SPAG16: variants seen among roughly 807,000 people sequenced by gnomAD.
The protein encoded by SPAG16 is sperm-associated antigen 16 protein.
A neutral mutation model predicts 80.4 loss-of-function variants in SPAG16; 86 were observed. The ratio of observed to expected loss-of-function variants is 1.07; its 90% CI spans 0.90 to 1.28. The LOEUF (loss-of-function observed/expected upper bound fraction) is 1.28. Among genes scored for constraint, SPAG16 ranks in the 50% most tolerant of loss-of-function variants. The probability of loss-of-function intolerance (pLI) is 0.00; values close to 1 mark genes in which losing one functional copy is unlikely to be tolerated. For missense variants in SPAG16, 870 were observed against 765.3 expected (o/e 1.14, Z -1.61); for synonymous variants, 294 against 265.9 (o/e 1.11, Z -1.03).
At chr2:214,130,551 G>A (rs535951085) in intron 14 of SPAG16, among the ~76,000 whole-genome samples, 1 of 152,166 alleles carries the variant, frequency 6.6e-6, no homozygotes, top group East Asian at 1.9e-4. Flanking sequence ...ATGTGGAGTA[G>A]TAAGCTTCAA....
chr2:213,472,912 G>C (rs2073165982), intron 9 of SPAG16, among the ~76,000 whole-genome samples: 1 of 152,146 alleles, frequency 6.6e-6, no homozygotes. Flanking sequence ...AGGTTTCCTT[G>C]GGGAAGAATG....
intron 6 of SPAG16, among the ~76,000 whole-genome samples, chr2:213,348,356 G>A (rs1219437843): frequency 2.0e-5 from 3 of 151,946 alleles, no homozygotes; most frequent in Non-Finnish European, 2.9e-5. Context: ...GTCTTTTAAC[G>A]GGAGCATTTA....
At chr2:214,177,405 C>T (rs576419698) in intron 15 of SPAG16, among the ~76,000 whole-genome samples, 19 of 151,022 alleles carry the variant, frequency 1.3e-4, no homozygotes, top group Non-Finnish European at 2.4e-4. Context: ...CTTAATGGGA[C>T]CTATGGTTCT....
chr2:214,260,182 A>C (rs1691034641), intron 15 of SPAG16, among the ~76,000 whole-genome samples: 1 of 152,118 alleles, frequency 6.6e-6, no homozygotes, highest in South Asian at 2.1e-4. Flanking sequence ...AATTTTTAAA[A>C]ATTTTCTAAG....
intron 10 of SPAG16, among the ~76,000 whole-genome samples, chr2:213,576,317 T>C (rs1220937867): frequency 6.6e-6 from 1 of 152,156 alleles, no homozygotes; most frequent in Admixed American, 6.6e-5. Context: ...GCTGTTTTGG[T>C]TACTGTAGCC....
chr2:213,697,136 A>G (rs570816674), intron 10 of SPAG16, among the ~76,000 whole-genome samples: 2 of 152,270 alleles, frequency 1.3e-5, no homozygotes, highest in Non-Finnish European at 1.5e-5. Context: ...AAGTTTAGGT[A>G]GGTAGGTAAA....
chr2:214,404,279 T>C (rs1701871601), intron 15 of SPAG16, among the ~76,000 whole-genome samples: 1 of 152,228 alleles, frequency 6.6e-6, no homozygotes. Flanking sequence ...AAAGATCTGA[T>C]TTCAGCCATA....
intron 12 of SPAG16, among the ~76,000 whole-genome samples, chr2:213,953,076 T>A (rs539998237): frequency 2.8e-4 from 43 of 151,242 alleles, no homozygotes; most frequent in Non-Finnish European, 5.3e-4. Context: ...ATATTACATA[T>A]ATGATGAAAA....
chr2:213,375,257 G>A, intron 9 of SPAG16, 138 bp downstream of exon 9: 1 of 564,744 alleles, frequency 1.8e-6, no homozygotes, highest in Non-Finnish European at 3.1e-6. Context: ...TTTATACATG[G>A]ACAGTGGAGG....
intron 10 of SPAG16, among the ~76,000 whole-genome samples, chr2:213,541,728 T>C (rs1365502015): frequency 6.6e-6 from 1 of 152,214 alleles, no homozygotes; most frequent in African/African-American, 2.4e-5. Flanking sequence ...TTCAGACCTC[T>C]ATCGACACAC....
chr2:213,592,968 C>T (rs1277063754), intron 10 of SPAG16, among the ~76,000 whole-genome samples: 5 of 152,084 alleles, frequency 3.3e-5, no homozygotes, highest in African/African-American at 9.7e-5. Context: ...TATTAATCTC[C>T]ACTTTAGTAA....
rs552589965 is a variant in SPAG16 at position 213,607,895 on chromosome 2, G to C, written c.1070+117805G>C. On this transcript the variant is annotated intron_variant, in intron 10 of 15. Coordinates refer to ENST00000331683, the MANE Select transcript of SPAG16 (RefSeq NM_024532.5). ...ATTTAAGTAATTTCCCTTCCATTAA[G>C]GCTAATAAGAACCTTCCCTACTTGT... Among the ~76,000 whole-genome samples the C allele has an allele frequency of 2.0e-5, 3 of 152,264 alleles. No homozygotes were observed. The East Asian group carries it at 5.8e-4, about 29-fold the overall frequency.
chr2:214,237,011 G>T (rs1689127343), intron 15 of SPAG16, among the ~76,000 whole-genome samples: 1 of 152,090 alleles, frequency 6.6e-6, no homozygotes, highest in Admixed American at 6.6e-5. Context: ...GTATAATTGT[G>T]ATCCTTAGAC....
intron 10 of SPAG16, among the ~76,000 whole-genome samples, chr2:213,737,416 T>TCTA (rs904499321): frequency 6.6e-6 from 1 of 152,154 alleles, no homozygotes; most frequent in African/African-American, 2.4e-5. Context: ...CAAGACATTC[T>TCTA]CTATGCTGTT....
chr2:214,401,272 TAATC>T (rs1338693650), intron 15 of SPAG16, among the ~76,000 whole-genome samples: 2 of 151,968 alleles, frequency 1.3e-5, no homozygotes, highest in African/African-American at 4.8e-5. Context: ...TCAATAAAAT[TAATC>T]AATAACACTC....
chr2:213,562,082 T>C (rs1269855150), intron 10 of SPAG16, among the ~76,000 whole-genome samples: 1 of 152,240 alleles, frequency 6.6e-6, no homozygotes, highest in Admixed American at 6.5e-5. Flanking sequence ...TATTTTGCTT[T>C]CATATTAGAT....
intron 15 of SPAG16, among the ~76,000 whole-genome samples, chr2:214,298,426 CTG>C (rs1433038827): frequency 6.6e-5 from 10 of 152,052 alleles, no homozygotes; most frequent in Admixed American, 5.2e-4. Context: ...AACGTAGAAA[CTG>C]TATTTTTTTA....
At chr2:214,068,855 C>T (rs1576055354) in intron 13 of SPAG16, among the ~76,000 whole-genome samples, 2 of 152,136 alleles carry the variant, frequency 1.3e-5, no homozygotes, top group Middle Eastern at 6.8e-3. Context: ...TGCTTAGTCT[C>T]ATTTTTTTTT....
At chr2:213,869,248 C>A (rs2075835032) in intron 11 of SPAG16, among the ~76,000 whole-genome samples, 1 of 22,810 alleles carries the variant, frequency 4.4e-5, no homozygotes, top group African/African-American at 9.0e-5. Context: ...AGCTAAAGTC[C>A]ATGTCAAAAA....
Sources: gnomAD v4.1 joint callset for allele counts (sites outside exome capture counted in the v4.1 genomes callset) on GRCh38, gnomAD v4.1.1 for gene constraint, MANE v1.5 for transcripts, NCBI Gene and HGNC (gene_info 2026-07-23, HGNC 2026-07-21) for gene names.